The following AQP5 variants were observed in gnomAD, a reference collection of about 807,000 sequenced individuals.
AQP5 encodes the protein aquaporin-5.
Under a neutral mutation model 19.1 loss-of-function variants are expected in AQP5, and 15 were observed. The observed-to-expected ratio is 0.79, with a 90% confidence interval of 0.53 to 1.21. The LOEUF (loss-of-function observed/expected upper bound fraction) is 1.21, where lower values mean the gene tolerates loss of function less well. Among genes scored for constraint, AQP5 ranks in the 50% most tolerant of loss-of-function variants. AQP5 has a pLI of 0.00. For synonymous variants in AQP5, 182 were observed against 160.3 expected (o/e 1.14, Z -1.02); for missense variants, 355 against 357.1 (o/e 0.99, Z 0.05).
chr12:49,964,489 G>A (rs1011610635), intron 3 of AQP5: 27 of 306,838 alleles, frequency 8.8e-5, no homozygotes, highest in Non-Finnish European at 1.2e-4. Context: ...CGTCCCCCTC[G>A]GTGTCTGCGT....
chr12:49,962,737 A>G (rs1947443825), intron 1 of AQP5: 1 of 218,950 alleles, frequency 4.6e-6, no homozygotes, highest in South Asian at 1.3e-4. Flanking sequence ...GAGTAGAACC[A>G]CCAGAGAAAA....
At position 49,962,213 on chromosome 12, in the gene AQP5, G is replaced by A. The variant is rs1483056077; in HGVS notation, c.196G>A (p.Gly66Ser). The change falls in exon 1 of 4, where the codon GGC (glycine) becomes AGC (serine). Residue 66 changes from glycine (G) to serine (S), a missense_variant. Transcript: ENST00000293599. Reference protein sequence around the residue: ...LAQALGPVSGGHINPAITLAL... With the variant: ...LAQALGPVSGSHINPAITLAL... ...CCAGGCCCTGGGACCCGTGAGCGGC[G>A]GCCACATCAACCCCGCCATCACCCT... 1 of 1,606,936 alleles carries A rather than the reference G, an allele frequency of 6.2e-7. No individual in the cohort carries two copies. The highest frequency in any genetic ancestry group is 8.5e-7 in the Non-Finnish European group (1 of 1,179,782).
intron 3 of AQP5, 72 bp from the exon 4 acceptor site, chr12:49,964,920 C>G: frequency 6.4e-7 from 1 of 1,552,654 alleles, no homozygotes; most frequent in Non-Finnish European, 8.7e-7. Flanking sequence ...GGTCTGTCCT[C>G]TGTGGGGTGG....
chr12:49,963,406 C>T, intron 1 of AQP5, 86 bp from the exon 2 acceptor site: 5 of 1,548,466 alleles, frequency 3.2e-6, no homozygotes, highest in Non-Finnish European at 4.4e-6. Context: ...CTCTAAGTGT[C>T]CCTGGAGGCC....
At chr12:49,962,495 A>C (rs1947438738) in intron 1 of AQP5, 115 bp downstream of exon 1, 25 of 1,014,604 alleles carry the variant, frequency 2.5e-5, no homozygotes, top group East Asian at 2.7e-5. Context: ...CACACCCTTC[A>C]CCAGGAAGGC....
At position 49,965,248 on chromosome 12, in the gene AQP5, A is replaced by C; in HGVS notation, c.*71A>C. 1 of 1,444,520 alleles carries C rather than the reference A, an allele frequency of 6.9e-7. No homozygotes were observed. The highest frequency in any genetic ancestry group is 9.1e-7 in the Non-Finnish European group (1 of 1,098,136). 89.5% of individuals were successfully genotyped at this position (1,444,520 alleles called of 1,614,324 possible). A position where few individuals can be genotyped will look rare whatever the true frequency, so the allele number is the denominator to read the frequency against. On this transcript the variant is annotated 3_prime_UTR_variant, in exon 4 of 4. Coordinates refer to ENST00000293599, the MANE Select transcript of AQP5 (RefSeq NM_001651.4). ...GAAAAGAAGAAAAAGTACCTAACACAAGCTTCCTTTTTGCACAACCGGTCC... is the reference window on the plus strand; with the variant it reads ...GAAAAGAAGAAAAAGTACCTAACACCAGCTTCCTTTTTGCACAACCGGTCC...
Position 49,964,391 on chromosome 12 carries a change from C to A in AQP5, c.612+216C>A, listed in dbSNP as rs923911. Reference sequence around the variant, plus strand: ...GCCTGAACCGCTGGGGACAGGGAGTCTGAGTATCTATCCGCTTATGGAAGA... The same window carrying A: ...GCCTGAACCGCTGGGGACAGGGAGTATGAGTATCTATCCGCTTATGGAAGA... On this transcript the variant is annotated intron_variant, in intron 3 of 3. Transcript: ENST00000293599. Among the ~76,000 whole-genome samples the A allele has an allele frequency of 0.22, 33,999 of 151,956 alleles. 5,051 individuals carry two copies. Among genetic ancestry groups the A allele is most frequent in the African/African-American group, 0.43 (17,938 of 41,370 alleles).
At chr12:49,964,632 C>T (rs2137161643) in intron 3 of AQP5, 2 of 985,322 alleles carry the variant, frequency 2.0e-6, no homozygotes, top group South Asian at 9.4e-5. Context: ...CCAGGGTCTG[C>T]TTCTATCCCT....
At chr12:49,964,553 G>A in intron 3 of AQP5, 1 of 789,550 alleles carries the variant, frequency 1.3e-6, no homozygotes, top group Non-Finnish European at 1.5e-6. Flanking sequence ...GGTTGGGAGA[G>A]TCTTCCTGTG....
At chr12:49,964,581 AGTCT>A in intron 3 of AQP5, 1 of 921,664 alleles carries the variant, frequency 1.1e-6, no homozygotes, top group Non-Finnish European at 1.3e-6. Context: ...CCCTGTGGAC[AGTCT>A]GTCTGCCCCC....
At chr12:49,963,927 G>T in intron 2 of AQP5, 165 bp from the exon 3 acceptor site, 1 of 805,488 alleles carries the variant, frequency 1.2e-6, no homozygotes, top group Non-Finnish European at 2.0e-6. Context: ...GTAGTTAAGG[G>T]TCCATGGTTA....
chr12:49,963,926 G>T, intron 2 of AQP5, 166 bp from the exon 3 acceptor site: 1 of 789,646 alleles, frequency 1.3e-6, no homozygotes, highest in East Asian at 2.7e-5. Flanking sequence ...CGTAGTTAAG[G>T]GTCCATGGTT....
At position 49,963,493 on chromosome 12, in the gene AQP5, TCAA is replaced by T. The variant is rs767088000; in HGVS notation, c.374_376del (p.Asn125del). ...TCCTAACCCGCTATCCCCTTGCAGC[TCAA>T]CAACAACACAACGCAGGGCCAGGCC... On this transcript the variant is annotated inframe_deletion and splice_region_variant, in exon 2 of 4. Transcript: ENST00000293599. The T allele has an allele frequency of 1.2e-5, 19 of 1,613,676 alleles. No homozygotes were observed. Among genetic ancestry groups the T allele is most frequent in the East Asian group, 2.2e-5 (1 of 44,868 alleles).
intron 3 of AQP5, chr12:49,964,546 T>C (rs1259443469): frequency 2.8e-6 from 2 of 702,496 alleles, no homozygotes; most frequent in East Asian, 2.7e-4. Flanking sequence ...TTGAGGGGGT[T>C]GGGAGAGTCT....
chr12:49,962,322 C>A lies in AQP5; in HGVS notation c.305C>A (p.Ala102Asp). The change falls in exon 1 of 4, where the codon GCT becomes GAT. Residue 102 changes from alanine (A) to aspartate (D), a missense_variant. Ala to Asp is a moderately radical substitution (Grantham distance 126). Coordinates refer to ENST00000293599, the MANE Select transcript of AQP5 (RefSeq NM_001651.4). ...AAQLVGAIAG[A>D]GILYGVAPLN... ...CAGCTGGTGGGCGCCATTGCCGGGG[C>A]TGGCATCCTCTACGGTGTGGCACCG... 1 of 1,605,868 alleles carries A rather than the reference C, an allele frequency of 6.2e-7. No homozygotes were observed.
rs1327443715 is a variant in AQP5 at position 49,964,295 on chromosome 12, T to C, written c.612+120T>C. ...TAGAGCTTGGGGGTGGGCCACGGAG[T>C]GGTGGCTGACAGAGAAAGGGACACA... is the stretch of plus-strand genomic sequence containing the variant. On this transcript the variant is annotated intron_variant, in intron 3 of 3. Transcript: ENST00000293599. 9 of 1,046,058 alleles carry C rather than the reference T, an allele frequency of 8.6e-6. 1 individual carries two copies. The Admixed American group carries it at 1.0e-4, about 12-fold the overall frequency. The allele number at this position is 1,046,058 out of a possible 1,614,324, so 64.8% of individuals were successfully genotyped here.
chr12:49,964,011 A>G (rs1947458804), intron 2 of AQP5, 81 bp from the exon 3 acceptor site: 3 of 1,374,048 alleles, frequency 2.2e-6, no homozygotes, highest in Non-Finnish European at 3.1e-6. Context: ...CCTGGACTGC[A>G]GTGTAACCTT....
chr12:49,963,365 C>A, intron 1 of AQP5, 127 bp from the exon 2 acceptor site: 1 of 1,290,570 alleles, frequency 7.7e-7, no homozygotes, highest in Non-Finnish European at 1.1e-6. Flanking sequence ...GGGGCGATGT[C>A]CACAGGACTT....
chr12:49,964,455 C>T (rs534572729), intron 3 of AQP5, among the ~76,000 whole-genome samples: 1 of 152,194 alleles, frequency 6.6e-6, no homozygotes, highest in Non-Finnish European at 1.5e-5. Context: ...GGCTCTGTGT[C>T]AATTCCCTTG....
Sources: gnomAD v4.1 joint callset for allele counts (sites outside exome capture counted in the v4.1 genomes callset) on GRCh38, gnomAD v4.1.1 for gene constraint, MANE v1.5 for transcripts, NCBI Gene and HGNC (gene_info 2026-07-23, HGNC 2026-07-21) for gene names.